SLC9A9: variants seen among roughly 807,000 people sequenced by gnomAD.
SLC9A9 encodes the protein solute carrier family 9 member A9, also known as sodium/hydrogen exchanger 9.
A neutral mutation model predicts 77.8 loss-of-function variants in SLC9A9; 62 were observed. That is an observed-to-expected ratio of 0.80 (90% CI 0.65 to 0.98). SLC9A9 has a LOEUF of 0.98. SLC9A9 is among the 50% of genes least tolerant of loss of function. SLC9A9 has a pLI of 0.00. For synonymous variants in SLC9A9, 320 were observed against 283.5 expected (o/e 1.13, Z -1.29); for missense variants, 775 against 774.9 (o/e 1.00, Z 0.00).
intron 2 of SLC9A9, among the ~76,000 whole-genome samples, chr3:143,822,243 G>T (rs2009184621): frequency 6.6e-6 from 1 of 152,134 alleles, no homozygotes; most frequent in Non-Finnish European, 1.5e-5. Flanking sequence ...TCTACTGAAA[G>T]GTGTCAATCT....
chr3:143,283,082 T>C (rs749672812), intron 14 of SLC9A9, among the ~76,000 whole-genome samples: 1 of 152,254 alleles, frequency 6.6e-6, no homozygotes, highest in Non-Finnish European at 1.5e-5. Flanking sequence ...TTCCTCTTTG[T>C]TTCCACAAAT....
At chr3:143,292,830 C>T (rs1267782076) in intron 14 of SLC9A9, among the ~76,000 whole-genome samples, 1 of 152,062 alleles carries the variant, frequency 6.6e-6, no homozygotes, top group African/African-American at 2.4e-5. Flanking sequence ...ATATATGATC[C>T]CCGATCCCTC....
intron 14 of SLC9A9, among the ~76,000 whole-genome samples, chr3:143,308,952 A>C (rs971249271): frequency 6.6e-6 from 1 of 152,120 alleles, no homozygotes; most frequent in African/African-American, 2.4e-5. Flanking sequence ...TTCCCCCCAT[A>C]AAACATGGAG....
In SLC9A9 at chr3:143,650,626, T is replaced by A. The variant is rs370500758; in HGVS notation, c.755+1629A>T. Among the ~76,000 whole-genome samples, 37 of 152,328 alleles carry A rather than the reference T, an allele frequency of 2.4e-4. No homozygotes were observed. In the East Asian group the frequency reaches 5.2e-3, roughly 21 times the overall value. On this transcript the variant is annotated intron_variant, in intron 6 of 15. Coordinates refer to ENST00000316549, the MANE Select transcript of SLC9A9 (RefSeq NM_173653.4). Reference sequence around the variant, plus strand: ...ACTTACGATTACCCTTTATTTTACATTGGAGCTCACTGGGATCACTGTACG... The same window carrying A: ...ACTTACGATTACCCTTTATTTTACAATGGAGCTCACTGGGATCACTGTACG...
chr3:143,581,527 C>G (rs2037452977), intron 6 of SLC9A9, among the ~76,000 whole-genome samples: 2 of 152,020 alleles, frequency 1.3e-5, no homozygotes, highest in African/African-American at 4.8e-5. Flanking sequence ...TTCCTTCTTT[C>G]CCTCCTTTTG....
chr3:143,587,241 A>T (rs958288600), intron 6 of SLC9A9, among the ~76,000 whole-genome samples: 1 of 152,178 alleles, frequency 6.6e-6, no homozygotes, highest in African/African-American at 2.4e-5. Context: ...CACTGAAGGT[A>T]CTGCAGGGAA....
intron 9 of SLC9A9, among the ~76,000 whole-genome samples, chr3:143,541,952 C>T (rs1180230739): frequency 3.3e-5 from 5 of 152,152 alleles, no homozygotes; most frequent in South Asian, 2.1e-4. Flanking sequence ...CTTTATTTCT[C>T]CCTGGGTCCC....
intron 5 of SLC9A9, among the ~76,000 whole-genome samples, chr3:143,686,865 T>G (rs185581861): frequency 3.3e-5 from 5 of 151,526 alleles, no homozygotes; most frequent in African/African-American, 1.2e-4. Flanking sequence ...CTCTTAAGTT[T>G]TGTTTATCTT....
At chr3:143,528,953 G>A (rs1185920859) in intron 9 of SLC9A9, among the ~76,000 whole-genome samples, 2 of 152,204 alleles carry the variant, frequency 1.3e-5, no homozygotes, top group African/African-American at 4.8e-5. Context: ...TAGTGGAAAT[G>A]TGAAGCCATC....
chr3:143,374,781 G>C (rs758157267), intron 13 of SLC9A9, among the ~76,000 whole-genome samples: 19 of 152,130 alleles, frequency 1.2e-4, no homozygotes, highest in African/African-American at 1.7e-4. Flanking sequence ...TTGCACACAA[G>C]CCAGTTACAT....
At chr3:143,402,761 A>G (rs569877814) in intron 12 of SLC9A9, among the ~76,000 whole-genome samples, 1 of 121,882 alleles carries the variant, frequency 8.2e-6, no homozygotes, top group East Asian at 2.3e-4. Context: ...AGGTGAAATT[A>G]GTTTTTTTTT....
At chr3:143,312,642 G>A (rs992127006) in intron 14 of SLC9A9, among the ~76,000 whole-genome samples, 1 of 152,166 alleles carries the variant, frequency 6.6e-6, no homozygotes, top group Non-Finnish European at 1.5e-5. Flanking sequence ...CTTCCTTCAG[G>A]CAACTCTCTC....
At chr3:143,336,829 A>G (rs1283254354) in intron 14 of SLC9A9, among the ~76,000 whole-genome samples, 1 of 152,202 alleles carries the variant, frequency 6.6e-6, no homozygotes, top group East Asian at 1.9e-4. Flanking sequence ...CAATGTGAAT[A>G]TAATTGACAC....
intron 14 of SLC9A9, among the ~76,000 whole-genome samples, chr3:143,340,276 G>C (rs1385351583): frequency 6.6e-6 from 1 of 152,112 alleles, no homozygotes; most frequent in Non-Finnish European, 1.5e-5. Context: ...TAAAACAGTA[G>C]GCAGAGGTCA....
chr3:143,346,771 C>A (rs2032292543), intron 14 of SLC9A9, among the ~76,000 whole-genome samples: 1 of 151,866 alleles, frequency 6.6e-6, no homozygotes, highest in Non-Finnish European at 1.5e-5. Context: ...CCAGCCTGGG[C>A]AACAAGAGTG....
At chr3:143,643,718 G>A (rs2038658294) in intron 6 of SLC9A9, among the ~76,000 whole-genome samples, 1 of 152,074 alleles carries the variant, frequency 6.6e-6, no homozygotes, top group South Asian at 2.1e-4. Context: ...AATCCACCAT[G>A]TTCTGAACAT....
chr3:143,728,032 A>G (rs1433631004), intron 4 of SLC9A9, among the ~76,000 whole-genome samples: 5 of 152,078 alleles, frequency 3.3e-5, no homozygotes, highest in African/African-American at 1.2e-4. Flanking sequence ...TCCTTCGAAT[A>G]TTGTCCCTGA....
chr3:143,387,460 A>G (rs1474009746), intron 12 of SLC9A9, among the ~76,000 whole-genome samples: 1 of 152,154 alleles, frequency 6.6e-6, no homozygotes, highest in Admixed American at 6.5e-5. Context: ...CCAGTAAAGA[A>G]TTAGAAAGCA....
intron 2 of SLC9A9, among the ~76,000 whole-genome samples, chr3:143,816,728 G>C (rs758886831): frequency 1.4e-4 from 21 of 152,140 alleles, no homozygotes; most frequent in Non-Finnish European, 2.4e-4. Context: ...AACTTTAGTA[G>C]GTATCACCAA....
Sources: gnomAD v4.1 joint callset for allele counts (sites outside exome capture counted in the v4.1 genomes callset) on GRCh38, gnomAD v4.1.1 for gene constraint, MANE v1.5 for transcripts, NCBI Gene and HGNC (gene_info 2026-07-23, HGNC 2026-07-21) for gene names.